TDRD5: variants seen among roughly 807,000 people sequenced by gnomAD.
TDRD5 encodes tudor domain containing 5, also known as tudor domain-containing protein 5.
TDRD5 carries 41 observed loss-of-function variants against 120.6 expected under a neutral mutation model. That is an observed-to-expected ratio of 0.34 (90% CI 0.26 to 0.44). The LOEUF is 0.44. TDRD5 is among the 20% of genes least tolerant of loss of function. The pLI, the probability that TDRD5 is intolerant of heterozygous loss-of-function variation, is 1.00. For synonymous variants in TDRD5, 430 were observed against 433.7 expected (o/e 0.99, Z 0.11); for missense variants, 1,006 against 1,221.2 (o/e 0.82, Z 2.63).
At chr1:179,597,972 A>G (rs1675494926) in intron 4 of TDRD5, among the ~76,000 whole-genome samples, 1 of 152,184 alleles carries the variant, frequency 6.6e-6, no homozygotes, top group Non-Finnish European at 1.5e-5. Context: ...TGTGTCAATG[A>G]CAGGGATATG....
intron 9 of TDRD5, among the ~76,000 whole-genome samples, chr1:179,639,257 A>G (rs1174059669): frequency 6.6e-6 from 1 of 152,226 alleles, no homozygotes; most frequent in Admixed American, 6.5e-5. Flanking sequence ...TGAAGCGCAG[A>G]AAGATTGTCA....
chr1:179,592,775 A>G lies in TDRD5; in HGVS notation c.160A>G (p.Met54Val), dbSNP rs754558020. The G allele has an allele frequency of 4.3e-6, 7 of 1,614,136 alleles. No individual in the cohort carries two copies. The highest frequency in any genetic ancestry group is 1.3e-5 in the African/African-American group (1 of 75,012). Reference protein sequence around the residue: ...PLRILGYRSTMELVLDMPDVV... With the variant: ...PLRILGYRSTVELVLDMPDVV... ...CCGAATCCTTGGGTATCGGTCCACT[A>G]TGGAGCTGGTATTGGACATGCCTGA... Residue 54 changes from methionine (M) to valine (V), a missense_variant, in exon 2 of 18, where the codon ATG (methionine) becomes GTG (valine). Met to Val is a conservative substitution (Grantham distance 21, BLOSUM62 1). Transcript: ENST00000444136.
At chr1:179,674,925 C>T (rs183583047) in intron 17 of TDRD5, among the ~76,000 whole-genome samples, 1 of 152,116 alleles carries the variant, frequency 6.6e-6, no homozygotes, top group Non-Finnish European at 1.5e-5. Context: ...TTTGGATCCT[C>T]TCTCTTCTTT....
rs746363716 is a variant in TDRD5, at chr1:179,652,003, T to TA, written c.2002-33dup. 6 of 1,602,244 alleles carry TA rather than the reference T, an allele frequency of 3.7e-6. No individual in the cohort carries two copies. The South Asian group carries it at 6.8e-5, about 18-fold the overall frequency. On this transcript the variant is annotated intron_variant, in intron 12 of 17. Coordinates refer to ENST00000444136, the MANE Select transcript of TDRD5 (RefSeq NM_001199085.3). ...TCTCGCCCTTTTTCTGTTGGTCATGTAAATTAAACCATCCCTTTTCTTTTT... is the reference window on the plus strand; with the variant it reads ...TCTCGCCCTTTTTCTGTTGGTCATGTAAAATTAAACCATCCCTTTTCTTTTT...
At chr1:179,671,127 G>GA (rs1428603285) in intron 17 of TDRD5, among the ~76,000 whole-genome samples, 1 of 152,156 alleles carries the variant, frequency 6.6e-6, no homozygotes, top group African/African-American at 2.4e-5. Context: ...AAATTGCCTT[G>GA]ACACCTTTGC....
intron 11 of TDRD5, among the ~76,000 whole-genome samples, chr1:179,646,941 A>T (rs1173390362): frequency 6.6e-6 from 1 of 150,506 alleles, no homozygotes; most frequent in East Asian, 2.0e-4. Context: ...CTGCTCAAGG[A>T]AATAAAAGAG....
intron 17 of TDRD5, among the ~76,000 whole-genome samples, chr1:179,675,105 C>G (rs1680055616): frequency 6.6e-6 from 1 of 151,776 alleles, no homozygotes; most frequent in African/African-American, 2.4e-5. Context: ...CATTGTTTCT[C>G]CAATTCTGTG....
At chr1:179,675,273 ATTTTTT>A (rs1172444253) in intron 17 of TDRD5, among the ~76,000 whole-genome samples, 60 of 66,612 alleles carry the variant, frequency 9.0e-4, no homozygotes, top group African/African-American at 3.2e-3. Context: ...TATTATTATT[ATTTTTT>A]TTTTTTTTTT....
rs544148686 is a variant in TDRD5, at chr1:179,656,958, CAGG to C, written c.2322+2599_2322+2601del. On this transcript the variant is annotated intron_variant, in intron 14 of 17. Coordinates refer to ENST00000444136, the MANE Select transcript of TDRD5 (RefSeq NM_001199085.3). ...ATCCCAGCTACTTAGGAGACTGAGA[CAGG>C]AGAATTGCTTGAACCCGGAAGACAG... 2.7e-3 allele frequency among the ~76,000 whole-genome samples: 417 copies of C among 152,236 alleles called. 3 individuals are homozygous for C. The highest frequency in any genetic ancestry group is 9.5e-3 in the African/African-American group (394 of 41,524).
intron 6 of TDRD5, among the ~76,000 whole-genome samples, chr1:179,621,586 C>T (rs1408457660): frequency 1.3e-5 from 2 of 151,960 alleles, no homozygotes; most frequent in East Asian, 3.9e-4. Flanking sequence ...AACAAATGGA[C>T]ATCAGTAGGA....
chr1:179,616,009 A>G (rs922640883), intron 4 of TDRD5, among the ~76,000 whole-genome samples: 1 of 152,148 alleles, frequency 6.6e-6, no homozygotes, highest in African/African-American at 2.4e-5. Context: ...TAATAAAACT[A>G]TGGACACTGA....
intron 4 of TDRD5, 125 bp from the exon 5 acceptor site, chr1:179,618,474 T>C (rs1676672888): frequency 1.8e-6 from 1 of 552,828 alleles, no homozygotes; most frequent in African/African-American, 2.0e-5. Flanking sequence ...AAGAACAGTA[T>C]TTTGTCTATT....
intron 4 of TDRD5, among the ~76,000 whole-genome samples, chr1:179,611,065 T>C (rs1487678442): frequency 7.1e-6 from 1 of 140,006 alleles, no homozygotes; most frequent in Non-Finnish European, 1.5e-5. Flanking sequence ...GTTGTGATAC[T>C]TTTTTTTTTT....
chr1:179,678,564 A>C (rs1185511150), intron 17 of TDRD5, among the ~76,000 whole-genome samples: 2 of 152,148 alleles, frequency 1.3e-5, no homozygotes, highest in African/African-American at 4.8e-5. Context: ...AATCGACTAT[A>C]TTTAAACATT....
intron 2 of TDRD5, among the ~76,000 whole-genome samples, 188 bp downstream of exon 2, chr1:179,593,035 TC>T (rs1462482947): frequency 1.3e-5 from 2 of 152,126 alleles, no homozygotes; most frequent in African/African-American, 2.4e-5. Flanking sequence ...AACAAACCAT[TC>T]CCCCAAACAA....
intron 4 of TDRD5, among the ~76,000 whole-genome samples, chr1:179,600,678 G>A (rs1264350980): frequency 6.6e-6 from 1 of 151,652 alleles, no homozygotes. Flanking sequence ...GTTTACTTTG[G>A]GTTAATTTCC....
At chr1:179,687,595 C>A (rs1158929088) in intron 17 of TDRD5, among the ~76,000 whole-genome samples, 1 of 152,098 alleles carries the variant, frequency 6.6e-6, no homozygotes, top group East Asian at 1.9e-4. Flanking sequence ...TCCTGGATAT[C>A]CTTGTTAACT....
intron 6 of TDRD5, among the ~76,000 whole-genome samples, chr1:179,628,946 T>TTG (rs1558390086): frequency 1.5e-5 from 2 of 133,594 alleles, no homozygotes; most frequent in African/African-American, 2.6e-5. Context: ...TGTTGTTGTT[T>TTG]TTGCCAATTT....
At chr1:179,593,385 A>G (rs78183476) in intron 2 of TDRD5, 75 bp from the exon 3 acceptor site, 115,292 of 1,473,912 alleles carry the variant, frequency 0.078, 5,319 homozygotes, top group Non-Finnish European at 0.091. Context: ...TAAAAACTGT[A>G]TAAACACAGA....
Sources: allele counts gnomAD v4.1 joint callset (sites outside exome capture counted in the v4.1 genomes callset), GRCh38; gene constraint gnomAD v4.1.1; transcripts MANE v1.5; gene names NCBI Gene and HGNC (gene_info 2026-07-23, HGNC 2026-07-21).